The following GFM2 variants were observed in gnomAD, a reference collection of about 807,000 sequenced individuals.
The protein encoded by GFM2 is ribosome-releasing factor 2, mitochondrial.
A neutral mutation model predicts 95.4 loss-of-function variants in GFM2; 72 were observed. The ratio of observed to expected loss-of-function variants is 0.76; its 90% CI spans 0.62 to 0.92. The LOEUF (loss-of-function observed/expected upper bound fraction) is 0.92. Ranked by LOEUF, GFM2 falls within the 40% of genes least tolerant of loss-of-function variation. GFM2 has a pLI of 0.00. For synonymous variants in GFM2, 276 were observed against 317.5 expected (o/e 0.87, Z 1.39); for missense variants, 825 against 924.1 (o/e 0.89, Z 1.39).
intron 7 of GFM2, 80 bp from the exon 8 acceptor site, chr5:74,747,860 A>C: frequency 2.7e-6 from 2 of 732,840 alleles, no homozygotes; most frequent in Non-Finnish European, 4.6e-6. Flanking sequence ...AGATCCAAAA[A>C]TCTACTGTCA....
rs752041066 is a variant in GFM2 at position 74,722,445 on chromosome 5, A to G, written c.2145T>C (p.Ile715=). 2 of 1,614,024 alleles carry G rather than the reference A, an allele frequency of 1.2e-6. No individual in the cohort carries two copies. The highest frequency in any genetic ancestry group is 4.5e-5 in the East Asian group (2 of 44,860). ...TGTCCTGGCGAGTCTGAATTTCCTG[A>G]ATGTTTCCTCTTCTTTGTGCCAGAT... ...LADLAQRRGN[I]QEIQTRQDNK... The change falls in exon 20 of 21, where the codon ATT becomes ATC. Residue 715 remains isoleucine (I), a synonymous_variant. Transcript: ENST00000296805.
Position 74,738,368 on chromosome 5 carries a change from T to C in GFM2, c.1270A>G (p.Ile424Val). The C allele has an allele frequency of 6.2e-7, 1 of 1,613,674 alleles. No individual in the cohort carries two copies. Among genetic ancestry groups the C allele is most frequent in the Non-Finnish European group, 8.5e-7 (1 of 1,179,658 alleles). Residue 424 changes from isoleucine (I) to valine (V), a missense_variant, in exon 14 of 21, where the codon ATC (isoleucine) becomes GTC (valine). By Grantham distance (29) the Ile-to-Val change is conservative. Transcript: ENST00000296805. The stretch of plus-strand genomic sequence containing the variant: ...ATGTTACCAGCAGTCAATGAAGGGA[T>C]TTCTACATGTTGGTCAGCAAACGGC... ...LLPFADQHVE[I>V]PSLTAGNIAL... is the part of the protein sequence containing the mutation.
chr5:74,721,641 A>AAAAACTAAAACATTT lies in GFM2; in HGVS notation c.2339_*13dup. 1 of 1,604,628 alleles carries AAAAACTAAAACATTT rather than the reference A, an allele frequency of 6.2e-7. No individual in the cohort carries two copies. Among genetic ancestry groups the AAAAACTAAAACATTT allele is most frequent in the Non-Finnish European group, 8.5e-7 (1 of 1,177,060 alleles). On this transcript the variant is annotated 3_prime_UTR_variant, in exon 21 of 21. Coordinates refer to ENST00000296805, the MANE Select transcript of GFM2 (RefSeq NM_032380.5). ...GCTAGGTGCTCCTGAATTTCTCTCC[A>AAAAACTAAAACATTT]AAAACTAAAACATTTAGGTCAAACC... is the stretch of plus-strand genomic sequence containing the variant.
chr5:74,754,079 A>G (rs1012821905), intron 5 of GFM2, among the ~76,000 whole-genome samples: 3 of 152,178 alleles, frequency 2.0e-5, no homozygotes, highest in African/African-American at 4.8e-5. Context: ...AAACAAAACA[A>G]TTATCAACCA....
chr5:74,740,002 T>TA lies in GFM2; in HGVS notation c.1065dup (p.Asn356Ter), dbSNP rs751152677. The TA allele has an allele frequency of 5.8e-6, 9 of 1,552,510 alleles. No individual in the cohort carries two copies. Among genetic ancestry groups the TA allele is most frequent in the Admixed American group, 2.1e-5 (1 of 47,878 alleles). On this transcript the variant is annotated frameshift_variant, in exon 12 of 21. Coordinates refer to ENST00000296805, the MANE Select transcript of GFM2 (RefSeq NM_032380.5). LOFTEE classifies it high-confidence loss of function. ...TTGCATACTTACAGAAATTCATAGTTACGCTCTTCAGGTGAAGGTAAGTAC... is the reference window on the plus strand; with the variant it reads ...TTGCATACTTACAGAAATTCATAGTTAACGCTCTTCAGGTGAAGGTAAGTAC...
chr5:74,759,295 T>C (rs1744160123), intron 4 of GFM2, 74 bp downstream of exon 4: 1 of 847,044 alleles, frequency 1.2e-6, no homozygotes, highest in Non-Finnish European at 1.9e-6. Context: ...CAGCATTCAC[T>C]CTTGTCCATC....
chr5:74,736,608 G>T (rs1742845599), intron 15 of GFM2, 188 bp downstream of exon 15: 1 of 1,421,838 alleles, frequency 7.0e-7, no homozygotes, highest in Admixed American at 3.0e-5. Flanking sequence ...AATAAGAAGA[G>T]AAAAAAATGA....
rs1163596147 is a variant in GFM2, at chr5:74,766,985, T to G, written c.-72A>C. 4.5e-6 allele frequency: 1 copy of G among 221,994 alleles called. No individual in the cohort carries two copies. The highest frequency in any genetic ancestry group is 9.3e-6 in the Non-Finnish European group (1 of 107,928). The allele number at this position is 221,994 out of a possible 1,614,324, so 13.8% of individuals were successfully genotyped here. On this transcript the variant is annotated 5_prime_UTR_variant, in exon 1 of 21. Coordinates refer to ENST00000296805, the MANE Select transcript of GFM2 (RefSeq NM_032380.5). ...AGGCCAGCTCTCACCGCTGGGCTCT[T>G]GAAGCAGGAGGCGCGAGCCGCGCCA...
At position 74,722,513 on chromosome 5, in the gene GFM2, C is replaced by A; in HGVS notation, c.2077G>T (p.Glu693Ter). 1 of 1,613,920 alleles carries A rather than the reference C, an allele frequency of 6.2e-7. No homozygotes were observed. Among genetic ancestry groups the A allele is most frequent in the South Asian group, 1.1e-5 (1 of 91,046 alleles). ...KQVLEPLMNLEVTVARDYLSP... is the reference protein window; with the variant it reads ...KQVLEPLMNL Reference sequence around the variant, plus strand: ...AGATAATCTCTAGCTACTGTAACCTCAAGATTCATCAGAGGCTCCAAAACT... The same window carrying A: ...AGATAATCTCTAGCTACTGTAACCTAAAGATTCATCAGAGGCTCCAAAACT... Residue 693 changes from glutamate to a stop codon, truncating the protein, a stop_gained, in exon 20 of 21, where the codon GAG (glutamate) becomes TAG (stop). Transcript: ENST00000296805. LOFTEE classifies it high-confidence loss of function.
intron 5 of GFM2, among the ~76,000 whole-genome samples, chr5:74,757,500 A>C (rs564773294): frequency 6.6e-6 from 1 of 152,214 alleles, no homozygotes; most frequent in African/African-American, 2.4e-5. Context: ...CAGCCTTATA[A>C]AAGGAATCTT....
intron 17 of GFM2, among the ~76,000 whole-genome samples, chr5:74,727,929 T>C (rs1405902944): frequency 6.6e-6 from 1 of 152,196 alleles, no homozygotes; most frequent in Admixed American, 6.5e-5. Context: ...CACTGTGCTG[T>C]GTAACAGATC....
chr5:74,751,949 A>G (rs1743736804), intron 5 of GFM2, among the ~76,000 whole-genome samples: 1 of 152,176 alleles, frequency 6.6e-6, no homozygotes, highest in Admixed American at 6.5e-5. Context: ...AAATAAGGCT[A>G]GTAAAGCCAT....
intron 1 of GFM2, among the ~76,000 whole-genome samples, chr5:74,766,216 A>ATCGCT (rs1299706031): frequency 2.0e-5 from 3 of 152,164 alleles, no homozygotes; most frequent in Non-Finnish European, 4.4e-5. Flanking sequence ...AGGTCGGAGG[A>ATCGCT]TCGCTTGATC....
Position 74,759,361 on chromosome 5 carries a change from G to A in GFM2, c.206+8C>T, listed in dbSNP as rs752437035. On this transcript the variant is annotated splice_region_variant and intron_variant, in intron 4 of 20. Coordinates refer to ENST00000296805, the MANE Select transcript of GFM2 (RefSeq NM_032380.5). ...TATGGAAAAGCATGATATAATGATA[G>A]TACTTACTTAGCTATGGGAGGATTG... The A allele has an allele frequency of 5.5e-6, 8 of 1,460,654 alleles. No homozygotes were observed. Among genetic ancestry groups the A allele is most frequent in the Non-Finnish European group, 7.6e-6 (8 of 1,048,986 alleles). The allele number at this position is 1,460,654 out of a possible 1,614,324, so 90.5% of individuals were successfully genotyped here.
chr5:74,730,567 T>C, intron 16 of GFM2, 169 bp from the exon 17 acceptor site: 1 of 438,686 alleles, frequency 2.3e-6, no homozygotes, highest in East Asian at 3.5e-5. Context: ...TTGACTTTTC[T>C]GACTGGAATA....
At chr5:74,740,272 T>A in intron 11 of GFM2, 135 bp from the exon 12 acceptor site, 1 of 583,872 alleles carries the variant, frequency 1.7e-6, no homozygotes, top group Non-Finnish European at 3.0e-6. Flanking sequence ...TTGGCTTAGT[T>A]TTTAACACTC....
chr5:74,756,031 C>T (rs142201617), intron 5 of GFM2, among the ~76,000 whole-genome samples: 2,457 of 152,206 alleles, frequency 0.016, 13 homozygotes, highest in Admixed American at 0.022. Context: ...AGGTTTCATA[C>T]CAGGAATGCA....
Position 74,730,317 on chromosome 5 carries a change from G to A in GFM2, c.1669C>T (p.Leu557Phe). The change falls in exon 17 of 21, where the codon CTC (leucine) becomes TTC (phenylalanine). Residue 557 changes from leucine (L) to phenylalanine (F), a missense_variant. By Grantham distance (22) the Leu-to-Phe change is conservative (BLOSUM62 0). Transcript: ENST00000296805. ...IKREYGLETY[L>F]GPLQVAYRET... ...CGATATGCCACCTGGAGAGGCCCGA[G>A]ATAGGTCTCCAGTCCATATTCCCTC... is the stretch of plus-strand genomic sequence containing the variant. 11 of 1,613,098 alleles carry A rather than the reference G, an allele frequency of 6.8e-6. No homozygotes were observed. Among genetic ancestry groups the A allele is most frequent in the Non-Finnish European group, 9.3e-6 (11 of 1,179,198 alleles).
rs371589931 is a variant in GFM2 at position 74,750,637 on chromosome 5, C to T, written c.461G>A (p.Arg154Gln). Residue 154 changes from arginine to glutamine, a missense_variant, in exon 7 of 21, where the codon CGG (arginine) becomes CAG (glutamine). Transcript: ENST00000296805. ...TGCACCATCCAACACTCTTAGGCAC[C>T]GCTCAACCTCCAAGGTAAAGTCCAC... The part of the protein sequence containing the change: ...GHVDFTLEVE[R>Q]CLRVLDGAVA... The T allele has an allele frequency of 9.9e-6, 16 of 1,613,128 alleles. No homozygotes were observed. Among genetic ancestry groups the T allele is most frequent in the East Asian group, 6.7e-5 (3 of 44,866 alleles).
Sources: gnomAD v4.1 joint callset for allele counts (sites outside exome capture counted in the v4.1 genomes callset) on GRCh38, gnomAD v4.1.1 for gene constraint, MANE v1.5 for transcripts, NCBI Gene and HGNC (gene_info 2026-07-23, HGNC 2026-07-21) for gene names.